The following DYNC2H1 variants were observed in gnomAD, a reference collection of about 807,000 sequenced individuals.
DYNC2H1 encodes dynein cytoplasmic 2 heavy chain 1.
In DYNC2H1, 410 loss-of-function variants were observed where a neutral mutation model predicts 570.0. The ratio of observed to expected loss-of-function variants is 0.72; its 90% confidence interval spans 0.66 to 0.78. DYNC2H1 has a LOEUF of 0.78. DYNC2H1 is among the 30% of genes least tolerant of loss of function. The pLI, the probability that DYNC2H1 is intolerant of heterozygous loss-of-function variation, is 0.00. For synonymous variants in DYNC2H1, 1,688 were observed against 1,677.6 expected, an observed-to-expected ratio of 1.01 and a Z score of -0.15; for missense variants, 4,865 against 5,046.4, an observed-to-expected ratio of 0.96 and a Z score of 1.09.
At chr11:103,340,038 G>A (rs7483234) in intron 82 of DYNC2H1, among the ~76,000 whole-genome samples, 20,055 of 152,198 alleles carry the variant, frequency 0.13, 1,568 homozygotes, top group Admixed American at 0.24. Context: ...GTTTGGGGGA[G>A]GAATGTTGTA....
rs1404175183 is a variant in DYNC2H1 at position 103,243,324 on chromosome 11, ACTGTGTAT to A, written c.9820-368_9820-361del. ...AGATAGATAAATAGAGAATAATTTG[ACTGTGTAT>A]TATAAAAGCCAAAAAGAATGCTGCA... On this transcript the variant is annotated intron_variant, in intron 63 of 88. Coordinates refer to ENST00000375735, the MANE Select transcript of DYNC2H1 (RefSeq NM_001377.3). The surrounding 1 kb of genome is among the most constrained non-coding windows in gnomAD (Gnocchi z 4.8). Among the ~76,000 whole-genome samples the A allele has an allele frequency of 2.0e-5, 3 of 152,138 alleles. No individual in the cohort carries two copies. In the East Asian group the frequency reaches 5.8e-4, roughly 29 times the overall value.
Position 103,177,029 on chromosome 11 carries a change from A to G in DYNC2H1, c.5875-527A>G, listed in dbSNP as rs1365796614. 1.3e-5 allele frequency among the ~76,000 whole-genome samples: 2 copies of G among 151,926 alleles called. No homozygotes were observed. The highest frequency in any genetic ancestry group is 2.9e-5 in the Non-Finnish European group (2 of 67,986). On this transcript the variant is annotated intron_variant, in intron 37 of 88. Transcript: ENST00000375735. This position sits in a 1 kb window ranked among gnomAD's most constrained non-coding sequence, Gnocchi z 4.4. Reference sequence around the variant, plus strand: ...CCATCCATATATATTTTTGCTCACCATTTCATTTCTATTGCCTGTTATAGT... The same window carrying G: ...CCATCCATATATATTTTTGCTCACCGTTTCATTTCTATTGCCTGTTATAGT...
intron 60 of DYNC2H1, among the ~76,000 whole-genome samples, chr11:103,233,205 GA>G (rs1171754218): frequency 6.6e-6 from 1 of 151,606 alleles, no homozygotes; most frequent in Admixed American, 6.6e-5. Flanking sequence ...GAGAACCTGA[GA>G]AATAATTTAT....
chr11:103,470,190 T>TG, intron 88 of DYNC2H1, among the ~76,000 whole-genome samples: 1 of 152,314 alleles, frequency 6.6e-6, no homozygotes, highest in Non-Finnish European at 1.5e-5. Context: ...AATCTGTTAC[T>TG]GGGTTGTATG....
intron 70 of DYNC2H1, among the ~76,000 whole-genome samples, chr11:103,274,586 T>C (rs897832681): frequency 6.6e-6 from 1 of 152,184 alleles, no homozygotes; most frequent in African/African-American, 2.4e-5. Context: ...CAGCTCATCA[T>C]TATTTAACTA....
At position 103,168,915 on chromosome 11, in the gene DYNC2H1, T is replaced by C. The variant is rs376188702; in HGVS notation, c.4923T>C (p.Cys1641=). 21 of 1,612,034 alleles carry C rather than the reference T, an allele frequency of 1.3e-5. No homozygotes were observed. The highest frequency in any genetic ancestry group is 1.7e-4 in the Middle Eastern group (1 of 6,024). Residue 1641 remains cysteine (C), a synonymous_variant, in exon 32 of 89, where the codon TGT becomes TGC. Coordinates refer to ENST00000375735, the MANE Select transcript of DYNC2H1 (RefSeq NM_001377.3). The part of the protein sequence containing the change: ...RFYMKSDHTC[C]VQMVDSEFQY... ...ATATGAAAAGTGATCATACATGTTG[T>C]GTTCAAATGGTGGATTCTGAATTTC...
intron 56 of DYNC2H1, among the ~76,000 whole-genome samples, 199 bp from the exon 57 acceptor site, chr11:103,220,424 T>C (rs1322466495): frequency 3.3e-5 from 5 of 152,308 alleles, no homozygotes; most frequent in South Asian, 2.1e-4. Flanking sequence ...ATTGCAGTTG[T>C]GGTGGCAAGA....
At chr11:103,191,465 T>C (rs1235080471) in intron 45 of DYNC2H1, 52 bp from the exon 46 acceptor site, 1 of 1,381,652 alleles carries the variant, frequency 7.2e-7, no homozygotes, top group Non-Finnish European at 1.0e-6. Context: ...ATTTATAACA[T>C]GATTATTATT....
At chr11:103,166,526 T>C (rs1344706781) in intron 31 of DYNC2H1, among the ~76,000 whole-genome samples, 1 of 152,172 alleles carries the variant, frequency 6.6e-6, no homozygotes, top group Non-Finnish European at 1.5e-5. Context: ...GTCCTAACTC[T>C]GAATTCACAT....
chr11:103,427,280 G>C (rs2514420), intron 84 of DYNC2H1, among the ~76,000 whole-genome samples: 152,266 of 152,330 alleles, frequency 1, 76,101 homozygotes, highest in Middle Eastern at 1. Context: ...ATGAAGACAT[G>C]TCAGTAAATA....
At chr11:103,118,364 A>C (rs952343909) in intron 6 of DYNC2H1, among the ~76,000 whole-genome samples, 4 of 152,086 alleles carry the variant, frequency 2.6e-5, no homozygotes, top group South Asian at 2.1e-4. Flanking sequence ...TTTTAAAAAA[A>C]AAAACAAAAC....
intron 85 of DYNC2H1, among the ~76,000 whole-genome samples, chr11:103,447,104 G>T (rs2514405): frequency 0.36 from 54,085 of 151,886 alleles, 10,215 homozygotes; most frequent in African/African-American, 0.48. Context: ...GAATGAAATT[G>T]TATTACCTGA....
At chr11:103,415,246 A>G (rs1453717701) in intron 84 of DYNC2H1, among the ~76,000 whole-genome samples, 1 of 152,212 alleles carries the variant, frequency 6.6e-6, no homozygotes, top group Non-Finnish European at 1.5e-5. Flanking sequence ...CATTCAGGAC[A>G]TAGGCATGGG....
intron 84 of DYNC2H1, chr11:103,403,393 A>T (rs1385812724): frequency 4.6e-5 from 7 of 152,124 alleles, no homozygotes; most frequent in Non-Finnish European, 1.0e-4. Context: ...AGATAACAAT[A>T]GATCATGTGG....
chr11:103,117,410 T>C (rs1216135306), intron 5 of DYNC2H1, among the ~76,000 whole-genome samples: 1 of 151,668 alleles, frequency 6.6e-6, no homozygotes, highest in East Asian at 1.9e-4. Flanking sequence ...TAATGGTATA[T>C]TGAAAATTGA....
At chr11:103,371,530 G>T (rs919660524) in intron 83 of DYNC2H1, among the ~76,000 whole-genome samples, 1 of 152,016 alleles carries the variant, frequency 6.6e-6, no homozygotes, top group Non-Finnish European at 1.5e-5. Flanking sequence ...AAAGATCAAG[G>T]AAAAAGAAAG....
intron 82 of DYNC2H1, among the ~76,000 whole-genome samples, chr11:103,343,370 A>T (rs1939574497): frequency 6.6e-6 from 1 of 151,754 alleles, no homozygotes; most frequent in Admixed American, 6.6e-5. Context: ...TCTAAAAACC[A>T]CTCCCTGTCT....
chr11:103,186,490 A>C lies in DYNC2H1; in HGVS notation c.6882A>C (p.Gly2294=). The C allele has an allele frequency of 6.2e-7, 1 of 1,610,532 alleles. No homozygotes were observed. Among genetic ancestry groups the C allele is most frequent in the Non-Finnish European group, 8.5e-7 (1 of 1,178,838 alleles). ...CCTTTATTCTGGTAGGACCAGAAGG[A>C]TGTGGCAAAGGGTAAGAAAAATATT... ...KQPFILVGPE[G]CGKGMLLRYA... The change falls in exon 42 of 89, where the codon GGA becomes GGC. Residue 2294 remains glycine (G), a synonymous_variant. Coordinates refer to ENST00000375735, the MANE Select transcript of DYNC2H1 (RefSeq NM_001377.3). The surrounding 1 kb of genome is among the most constrained non-coding windows in gnomAD (Gnocchi z 4.5).
At position 103,115,184 on chromosome 11, in the gene DYNC2H1, T is replaced by C. The variant is rs755872520; in HGVS notation, c.510T>C (p.Leu170=). 1.9e-6 allele frequency: 3 copies of C among 1,608,134 alleles called. No individual in the cohort carries two copies. The South Asian group carries it at 3.3e-5, about 18-fold the overall frequency. ...KFKEDDTRGI[L]TPSDEFQFWI... Reference sequence around the variant, plus strand: ...CCCTCTTGACTTTTATAGGTATCCTTACACCAAGCGATGAGTTCCAGTTTT... The same window carrying C: ...CCCTCTTGACTTTTATAGGTATCCTCACACCAAGCGATGAGTTCCAGTTTT... The change falls in exon 4 of 89, where the codon CTT becomes CTC. Residue 170 remains leucine (L), a synonymous_variant. Coordinates refer to ENST00000375735, the MANE Select transcript of DYNC2H1 (RefSeq NM_001377.3).
Sources: gnomAD v4.1 joint callset for allele counts (sites outside exome capture counted in the v4.1 genomes callset) on GRCh38, gnomAD v4.1.1 for gene constraint, Gnocchi (gnomAD v3.1) non-coding constraint, MANE v1.5 for transcripts, NCBI Gene and HGNC (gene_info 2026-07-23, HGNC 2026-07-21) for gene names.